NPTN: variants seen among roughly 807,000 people sequenced by gnomAD.
NPTN encodes neuroplastin, also known as SDR-1.
In NPTN, 5 loss-of-function variants were observed where a neutral mutation model predicts 42.7. The ratio of observed to expected loss-of-function variants is 0.12; its 90% CI spans 0.06 to 0.25. The LOEUF (loss-of-function observed/expected upper bound fraction) is 0.25. NPTN is among the 10% of genes least tolerant of loss of function. The pLI, the probability that NPTN is intolerant of heterozygous loss-of-function variation, is 1.00. For missense variants in NPTN, 307 were observed against 525.4 expected (o/e 0.58, Z 4.06); for synonymous variants, 180 against 201.9 (o/e 0.89, Z 0.92).
At chr15:73,601,127 G>A (rs955735581) in intron 1 of NPTN, among the ~76,000 whole-genome samples, 6 of 152,146 alleles carry the variant, frequency 3.9e-5, no homozygotes, top group African/African-American at 1.2e-4. Flanking sequence ...GGGCAGGTGC[G>A]GAGACAGGTT....
At chr15:73,606,904 T>G (rs971957643) in intron 1 of NPTN, among the ~76,000 whole-genome samples, 2 of 152,160 alleles carry the variant, frequency 1.3e-5, no homozygotes, top group African/African-American at 2.4e-5. Flanking sequence ...CCTTGCTAAG[T>G]CAGTTTAGCA....
chr15:73,576,589 A>G (rs751288791), intron 4 of NPTN, among the ~76,000 whole-genome samples: 13 of 152,184 alleles, frequency 8.5e-5, no homozygotes, highest in Non-Finnish European at 1.6e-4. Flanking sequence ...TCAGCCTCCC[A>G]AAGTGCTGGG....
chr15:73,599,985 G>C (rs141089723), intron 1 of NPTN, among the ~76,000 whole-genome samples: 1 of 152,184 alleles, frequency 6.6e-6, no homozygotes, highest in Non-Finnish European at 1.5e-5. Flanking sequence ...CAATGCTAAT[G>C]TAAAAAAGAT....
chr15:73,622,104 T>A (rs1194906693), intron 1 of NPTN, among the ~76,000 whole-genome samples: 3 of 152,000 alleles, frequency 2.0e-5, no homozygotes, highest in Non-Finnish European at 2.9e-5. Flanking sequence ...TGAGCTGAGA[T>A]CGCGCCACTA....
chr15:73,620,133 T>A (rs971103822), intron 1 of NPTN, among the ~76,000 whole-genome samples: 1 of 152,364 alleles, frequency 6.6e-6, no homozygotes, highest in Admixed American at 6.5e-5. Context: ...ATCAGCACAG[T>A]GTTTTTAAAT....
At chr15:73,609,719 T>A (rs1411299144) in intron 1 of NPTN, among the ~76,000 whole-genome samples, 1 of 152,180 alleles carries the variant, frequency 6.6e-6, no homozygotes, top group Non-Finnish European at 1.5e-5. Flanking sequence ...AGATTACCTT[T>A]GGAAATGCTT....
chr15:73,620,892 T>C (rs1018175278), intron 1 of NPTN, among the ~76,000 whole-genome samples: 4 of 152,232 alleles, frequency 2.6e-5, no homozygotes, highest in African/African-American at 9.6e-5. Context: ...TCAATGTCTT[T>C]CTGTCCAGCC....
chr15:73,605,113 A>ACGGGG (rs1555410817), intron 1 of NPTN, among the ~76,000 whole-genome samples: 1 of 132,476 alleles, frequency 7.5e-6, no homozygotes, highest in African/African-American at 3.3e-5. Context: ...GGGGGGGGGA[A>ACGGGG]AAGAATGATC....
chr15:73,571,495 AG>A (rs1466955336), intron 5 of NPTN, among the ~76,000 whole-genome samples: 1 of 152,184 alleles, frequency 6.6e-6, no homozygotes, highest in Non-Finnish European at 1.5e-5. Context: ...TGTAGGGCAC[AG>A]TGAGTGGCCA....
intron 1 of NPTN, among the ~76,000 whole-genome samples, chr15:73,605,361 A>G (rs1418880812): frequency 2.6e-5 from 4 of 152,046 alleles, no homozygotes; most frequent in Non-Finnish European, 5.9e-5. Context: ...AAAATGATTT[A>G]GAATAAATTC....
At chr15:73,561,364 A>G (rs887953331) in intron 8 of NPTN, among the ~76,000 whole-genome samples, 3 of 152,216 alleles carry the variant, frequency 2.0e-5, no homozygotes, top group Non-Finnish European at 2.9e-5. Context: ...CTGAAATGGC[A>G]TTTATATAAA....
Position 73,601,907 on chromosome 15 carries a change from C to T in NPTN, c.92-4538G>A, listed in dbSNP as rs77861344. Among the ~76,000 whole-genome samples the T allele has an allele frequency of 9.3e-3, 1,409 of 152,012 alleles. 29 individuals are homozygous for T. Among genetic ancestry groups the T allele is most frequent in the African/African-American group, 0.032 (1,339 of 41,428 alleles). ...ATGGAGGCAGCAAACCCAAGAGAAG[C>T]GTAATGTAAAATTGCATAACTGGGG... On this transcript the variant is annotated intron_variant, in intron 1 of 8. Transcript: ENST00000345330.
intron 1 of NPTN, among the ~76,000 whole-genome samples, chr15:73,599,152 T>C (rs1301932863): frequency 6.6e-6 from 1 of 152,076 alleles, no homozygotes; most frequent in East Asian, 1.9e-4. Context: ...CCAACAGATG[T>C]CATTCTCAGA....
rs1266659354 is a variant in NPTN, at chr15:73,560,212, A to G, written c.*851T>C. 1 of 233,610 alleles carries G rather than the reference A, an allele frequency of 4.3e-6. No homozygotes were observed. Among genetic ancestry groups the G allele is most frequent in the Non-Finnish European group, 8.2e-6 (1 of 121,696 alleles). The allele number at this position is 233,610 out of a possible 1,614,324, so 14.5% of individuals were successfully genotyped here. ...CAGTGTCAAACCAAAAAGTATAACT[A>G]TAGTTGCATAGAATATTACCATGCT... On this transcript the variant is annotated 3_prime_UTR_variant, in exon 9 of 9. Transcript: ENST00000345330.
Position 73,573,674 on chromosome 15 carries a change from G to A in NPTN, c.828C>T (p.Asn276=), listed in dbSNP as rs771730924. 1.9e-6 allele frequency: 3 copies of A among 1,579,712 alleles called. No homozygotes were observed. The highest frequency in any genetic ancestry group is 2.4e-5 in the East Asian group (1 of 42,128). ...HPDWIWRKKE[N]GMPMDIVNTS... is the part of the protein sequence containing the mutation. ...GCCTCCTACTCACCATGGGCATCCC[G>A]TTCTCCTTCTTGCGCCATATCCAGT... Residue 276 remains asparagine, a synonymous_variant, in exon 5 of 9, where the codon AAC becomes AAT. Coordinates refer to ENST00000345330, the MANE Select transcript of NPTN (RefSeq NM_012428.4).
rs533175186 is a variant in NPTN at position 73,583,262 on chromosome 15, C to T, written c.706+4262G>A. ...CGATTAGAACACATTTCTCCTAACTCTTAGTCAAGGCCTTTTAAATGTTAC... is the reference window on the plus strand; with the variant it reads ...CGATTAGAACACATTTCTCCTAACTTTTAGTCAAGGCCTTTTAAATGTTAC... On this transcript the variant is annotated intron_variant, in intron 4 of 8. Transcript: ENST00000345330. 7.2e-5 allele frequency among the ~76,000 whole-genome samples: 11 copies of T among 152,296 alleles called. No individual in the cohort carries two copies. The East Asian group carries it at 2.1e-3, about 29-fold the overall frequency.
chr15:73,567,819 G>A (rs562041110), intron 6 of NPTN: 14 of 971,294 alleles, frequency 1.4e-5, no homozygotes, highest in Admixed American at 1.2e-4. Context: ...AGGAGAGAAG[G>A]CAAACATTGC....
At chr15:73,580,534 T>C (rs1046240917) in intron 4 of NPTN, among the ~76,000 whole-genome samples, 4 of 141,794 alleles carry the variant, frequency 2.8e-5, no homozygotes, top group Admixed American at 7.4e-5. Flanking sequence ...TATATATGTA[T>C]ATATTTGTTA....
intron 1 of NPTN, among the ~76,000 whole-genome samples, chr15:73,609,713 T>A (rs1443592920): frequency 1.3e-5 from 2 of 152,152 alleles, no homozygotes; most frequent in Admixed American, 1.3e-4. Flanking sequence ...TTCCAAAGAT[T>A]ACCTTTGGAA....
Sources: gnomAD v4.1 joint callset for allele counts (sites outside exome capture counted in the v4.1 genomes callset) on GRCh38, gnomAD v4.1.1 for gene constraint, MANE v1.5 for transcripts, NCBI Gene and HGNC (gene_info 2026-07-23, HGNC 2026-07-21) for gene names.